Variants in CNTNAP5 observed in about 807,000 individuals in gnomAD.
CNTNAP5 encodes contactin associated protein family member 5.
Under a neutral mutation model 150.2 loss-of-function variants are expected in CNTNAP5, and 72 were observed. The ratio of observed to expected loss-of-function variants is 0.48; its 90% CI spans 0.40 to 0.58. The LOEUF (loss-of-function observed/expected upper bound fraction) is 0.58, where lower values mean the gene tolerates loss of function less well. Ranked by LOEUF, CNTNAP5 falls within the 20% of genes least tolerant of loss-of-function variation. The pLI, the probability that CNTNAP5 is intolerant of heterozygous loss-of-function variation, is 0.00. For synonymous variants in CNTNAP5, 672 were observed against 619.8 expected (o/e 1.08, Z -1.25); for missense variants, 1,636 against 1,626.2 (o/e 1.01, Z -0.10).
At chr2:124,105,425 C>T (rs1015516716) in intron 1 of CNTNAP5, among the ~76,000 whole-genome samples, 4 of 152,060 alleles carry the variant, frequency 2.6e-5, no homozygotes, top group Non-Finnish European at 4.4e-5. Context: ...GCCATATTGT[C>T]CAACAGAGAA....
At chr2:124,319,817 A>C (rs1372615823) in intron 3 of CNTNAP5, among the ~76,000 whole-genome samples, 1 of 152,162 alleles carries the variant, frequency 6.6e-6, no homozygotes, top group Non-Finnish European at 1.5e-5. Context: ...AGGTGGCAAA[A>C]TTGCCTCAAG....
intron 3 of CNTNAP5, among the ~76,000 whole-genome samples, chr2:124,310,185 G>A (rs1388516065): frequency 6.6e-6 from 1 of 151,894 alleles, no homozygotes; most frequent in Non-Finnish European, 1.5e-5. Context: ...CAGAAACTAA[G>A]TCAGCTGATT....
At chr2:124,773,062 T>C in intron 17 of CNTNAP5, 45 bp downstream of exon 17, 1 of 1,493,842 alleles carries the variant, frequency 6.7e-7, no homozygotes, top group Non-Finnish European at 9.3e-7. Context: ...CCCTGCAAGA[T>C]CACTGTGTGA....
chr2:124,061,662 CATT>C (rs2104654044), intron 1 of CNTNAP5, among the ~76,000 whole-genome samples: 1 of 152,252 alleles, frequency 6.6e-6, no homozygotes, highest in East Asian at 1.9e-4. Flanking sequence ...ACACACACAT[CATT>C]GACAAATAAG....
At chr2:124,172,891 A>C (rs12711671) in intron 1 of CNTNAP5, among the ~76,000 whole-genome samples, 117,574 of 151,966 alleles carry the variant, frequency 0.77, 46,112 homozygotes, top group Non-Finnish European at 0.8. Flanking sequence ...TTTCACTTTG[A>C]AGATATTATA....
intron 3 of CNTNAP5, among the ~76,000 whole-genome samples, chr2:124,320,259 C>T (rs144457882): frequency 2.0e-4 from 30 of 152,274 alleles, no homozygotes; most frequent in Non-Finnish European, 3.8e-4. Context: ...GATTGCTTTC[C>T]TCAAAGGCTG....
intron 21 of CNTNAP5, among the ~76,000 whole-genome samples, chr2:124,873,841 C>T (rs543689796): frequency 3.3e-5 from 5 of 152,074 alleles, no homozygotes; most frequent in East Asian, 3.9e-4. Flanking sequence ...AGAAAACATA[C>T]GTAGTAAATC....
At chr2:124,042,078 C>T (rs1681388005) in intron 1 of CNTNAP5, among the ~76,000 whole-genome samples, 1 of 152,126 alleles carries the variant, frequency 6.6e-6, no homozygotes, top group African/African-American at 2.4e-5. Context: ...CCAGGCTGGT[C>T]TTACACTCCT....
intron 21 of CNTNAP5, among the ~76,000 whole-genome samples, chr2:124,895,022 T>C (rs1678273850): frequency 1.3e-5 from 2 of 151,594 alleles, no homozygotes; most frequent in Non-Finnish European, 2.9e-5. Context: ...TAATGCATGT[T>C]ATCAAGAAAC....
intron 13 of CNTNAP5, among the ~76,000 whole-genome samples, chr2:124,666,906 A>G (rs766453124): frequency 8.7e-4 from 126 of 145,586 alleles, no homozygotes; most frequent in Non-Finnish European, 8.6e-4. Context: ...GGATTCCTCA[A>G]GACTTTCAAA....
At chr2:124,859,416 C>T (rs1677460443) in intron 19 of CNTNAP5, among the ~76,000 whole-genome samples, 1 of 152,142 alleles carries the variant, frequency 6.6e-6, no homozygotes, top group Non-Finnish European at 1.5e-5. Context: ...ACAACAGGTG[C>T]TGGAGAGGAT....
At chr2:124,810,609 C>T (rs1198045669) in intron 19 of CNTNAP5, among the ~76,000 whole-genome samples, 1 of 152,036 alleles carries the variant, frequency 6.6e-6, no homozygotes, top group African/African-American at 2.4e-5. Context: ...ATGAAGATTG[C>T]CTGTCACAAC....
At chr2:124,709,059 G>T (rs1679752350) in intron 13 of CNTNAP5, among the ~76,000 whole-genome samples, 1 of 152,132 alleles carries the variant, frequency 6.6e-6, no homozygotes, top group South Asian at 2.1e-4. Flanking sequence ...GCAGTGGGCA[G>T]TATCTAGCAC....
At chr2:124,497,778 A>C (rs1694186021) in intron 7 of CNTNAP5, among the ~76,000 whole-genome samples, 1 of 152,190 alleles carries the variant, frequency 6.6e-6, no homozygotes, top group Non-Finnish European at 1.5e-5. Flanking sequence ...CTCCCTGTTC[A>C]ATACATTTCA....
intron 1 of CNTNAP5, among the ~76,000 whole-genome samples, chr2:124,195,256 T>C (rs1345715579): frequency 6.6e-6 from 1 of 152,142 alleles, no homozygotes; most frequent in African/African-American, 2.4e-5. Context: ...GACCCCACAG[T>C]TCCTGCAGAG....
At chr2:124,587,056 AC>A (rs1010045703) in intron 11 of CNTNAP5, among the ~76,000 whole-genome samples, 1 of 152,150 alleles carries the variant, frequency 6.6e-6, no homozygotes, top group African/African-American at 2.4e-5. Context: ...ATGAAGCTCA[AC>A]CCTGTTGTAT....
intron 12 of CNTNAP5, among the ~76,000 whole-genome samples, chr2:124,611,605 A>G (rs1370466342): frequency 6.6e-6 from 1 of 152,202 alleles, no homozygotes; most frequent in Non-Finnish European, 1.5e-5. Flanking sequence ...TAATTAACAT[A>G]TGGACTCTTG....
chr2:124,242,014 G>A (rs1686898849), intron 2 of CNTNAP5, among the ~76,000 whole-genome samples, 186 bp from the exon 3 acceptor site: 1 of 152,168 alleles, frequency 6.6e-6, no homozygotes, highest in African/African-American at 2.4e-5. Flanking sequence ...CCATGAGAGA[G>A]ATTTTGATGG....
chr2:124,326,182 C>T lies in CNTNAP5; in HGVS notation c.381+83789C>T, dbSNP rs552288575. On this transcript the variant is annotated intron_variant, in intron 3 of 23. Transcript: ENST00000682447. ...GGATGATGTTTCTTTGTGGAAGGCT[C>T]ATCATCAAGACTGTATCCCCAGGGA... Among the ~76,000 whole-genome samples the T allele has an allele frequency of 4.1e-3, 626 of 152,298 alleles. 4 individuals are homozygous for T. Among genetic ancestry groups the T allele is most frequent in the Middle Eastern group, 0.014 (4 of 294 alleles).
Sources: gnomAD v4.1 joint callset for allele counts (sites outside exome capture counted in the v4.1 genomes callset) on GRCh38, gnomAD v4.1.1 for gene constraint, MANE v1.5 for transcripts, NCBI Gene and HGNC (gene_info 2026-07-23, HGNC 2026-07-21) for gene names.